NRCAM: variants seen among roughly 807,000 people sequenced by gnomAD.
NRCAM encodes the protein neuronal cell adhesion molecule.
A neutral mutation model predicts 156.5 loss-of-function variants in NRCAM; 83 were observed. The observed-to-expected ratio is 0.53, with a 90% CI of 0.44 to 0.64. NRCAM has a LOEUF of 0.64. Ranked by LOEUF, NRCAM falls within the 30% of genes least tolerant of loss-of-function variation. The pLI is 0.00. For synonymous variants in NRCAM, 538 were observed against 563.9 expected (o/e 0.95, Z 0.65); for missense variants, 1,417 against 1,597.3 (o/e 0.89, Z 1.92).
intron 11 of NRCAM, among the ~76,000 whole-genome samples, chr7:108,220,448 T>C (rs926286432): frequency 6.6e-6 from 1 of 152,104 alleles, no homozygotes; most frequent in Admixed American, 6.5e-5. Flanking sequence ...TTTCAAACTA[T>C]ACTATAAGGC....
chr7:108,177,003 G>A (rs2060752976), intron 26 of NRCAM, among the ~76,000 whole-genome samples: 1 of 152,044 alleles, frequency 6.6e-6, no homozygotes, highest in African/African-American at 2.4e-5. Flanking sequence ...ATGCATATGT[G>A]ATTTAATGAC....
intron 2 of NRCAM, among the ~76,000 whole-genome samples, chr7:108,386,397 TATCTC>T (rs1563558381): frequency 6.6e-6 from 1 of 152,172 alleles, no homozygotes; most frequent in Non-Finnish European, 1.5e-5. Flanking sequence ...TCTTTAATCT[TATCTC>T]TAAGCAATTA....
chr7:108,388,596 G>A (rs11983900), intron 2 of NRCAM, among the ~76,000 whole-genome samples: 38,389 of 152,040 alleles, frequency 0.25, 5,119 homozygotes, highest in Non-Finnish European at 0.28. Flanking sequence ...GGCTTTTGTC[G>A]CCATTGCTTT....
intron 3 of NRCAM, among the ~76,000 whole-genome samples, chr7:108,307,329 T>C (rs2098731881): frequency 6.6e-6 from 1 of 152,228 alleles, no homozygotes; most frequent in Admixed American, 6.5e-5. Context: ...ACGGCTGGCA[T>C]GCCCATTGTT....
chr7:108,166,015 T>A lies in NRCAM; in HGVS notation c.3466+906A>T, dbSNP rs183971778. Among the ~76,000 whole-genome samples the A allele has an allele frequency of 2.0e-5, 3 of 152,356 alleles. No individual in the cohort carries two copies. In the East Asian group the frequency reaches 5.8e-4, roughly 29 times the overall value. ...AATGCTCTCATGTTTCACATGAACA[T>A]TTTTCTTTATTTTAGAAACTTCACT... is the stretch of plus-strand genomic sequence containing the variant. On this transcript the variant is annotated intron_variant, in intron 30 of 32. Coordinates refer to ENST00000379028, the MANE Select transcript of NRCAM (RefSeq NM_001037132.4).
chr7:108,357,058 G>C (rs2099508763), intron 2 of NRCAM, among the ~76,000 whole-genome samples: 2 of 152,190 alleles, frequency 1.3e-5, no homozygotes, highest in African/African-American at 4.8e-5. Context: ...ACCAGACACA[G>C]AATCTGACAG....
chr7:108,443,891 G>GATAGATAGATAC (rs1432233563), intron 1 of NRCAM, among the ~76,000 whole-genome samples: 5 of 145,800 alleles, frequency 3.4e-5, no homozygotes, highest in Non-Finnish European at 6.1e-5. Flanking sequence ...TAGATAGATA[G>GATAGATAGATAC]ATACATACAT....
chr7:108,273,589 GGTT>G (rs2097462080), intron 3 of NRCAM, among the ~76,000 whole-genome samples: 1 of 151,970 alleles, frequency 6.6e-6, no homozygotes, highest in Non-Finnish European at 1.5e-5. Flanking sequence ...CTTTTTATGC[GGTT>G]GTTTTTTTCT....
At chr7:108,351,715 T>C (rs900758385) in intron 2 of NRCAM, among the ~76,000 whole-genome samples, 1 of 151,796 alleles carries the variant, frequency 6.6e-6, no homozygotes, top group African/African-American at 2.4e-5. Context: ...TTTATTAAGA[T>C]GAAACAAGAA....
chr7:108,398,303 CCAAT>C (rs2099782664), intron 2 of NRCAM, among the ~76,000 whole-genome samples: 1 of 152,154 alleles, frequency 6.6e-6, no homozygotes, highest in Non-Finnish European at 1.5e-5. Flanking sequence ...CTTCCCATGC[CCAAT>C]CAACCACCAA....
chr7:108,331,223 A>G (rs2154247891), intron 2 of NRCAM, among the ~76,000 whole-genome samples: 1 of 152,122 alleles, frequency 6.6e-6, no homozygotes, highest in East Asian at 1.9e-4. Flanking sequence ...ACATAGTGAG[A>G]CCTCGTCTCT....
intron 8 of NRCAM, among the ~76,000 whole-genome samples, chr7:108,230,580 G>A (rs1472519569): frequency 6.6e-6 from 1 of 152,010 alleles, no homozygotes; most frequent in Non-Finnish European, 1.5e-5. Context: ...TCATTAGTCT[G>A]GCCACCTTGT....
At chr7:108,386,216 T>A (rs2099740495) in intron 2 of NRCAM, among the ~76,000 whole-genome samples, 1 of 152,184 alleles carries the variant, frequency 6.6e-6, no homozygotes, top group Non-Finnish European at 1.5e-5. Context: ...GTGCTCTTCA[T>A]CTATATCATT....
At chr7:108,454,118 T>C (rs554040214) in intron 1 of NRCAM, among the ~76,000 whole-genome samples, 11 of 152,292 alleles carry the variant, frequency 7.2e-5, no homozygotes, top group African/African-American at 2.4e-4. Flanking sequence ...GGATTGTGGG[T>C]TAACAGCCAC....
At chr7:108,382,222 AT>A (rs71137626) in intron 2 of NRCAM, among the ~76,000 whole-genome samples, 423 of 145,654 alleles carry the variant, frequency 2.9e-3, no homozygotes, top group Middle Eastern at 3.5e-3. Context: ...AGGAACAGAG[AT>A]TTTTTTTTTT....
At position 108,234,696 on chromosome 7, in the gene NRCAM, G is replaced by A. The variant is rs765030618; in HGVS notation, c.125-8C>T. On this transcript the variant is annotated splice_region_variant and splice_polypyrimidine_tract_variant and intron_variant, in intron 5 of 32. Coordinates refer to ENST00000379028, the MANE Select transcript of NRCAM (RefSeq NM_001037132.4). ...TGGTTGGAGGCTGTACCACTTAATT[G>A]TAGAAAAAAAAAAATGTAAAAAAAC... 1.6e-5 allele frequency: 25 copies of A among 1,529,868 alleles called. No individual in the cohort carries two copies. The highest frequency in any genetic ancestry group is 4.2e-5 in the African/African-American group (3 of 70,748). 94.8% of individuals were successfully genotyped at this position (1,529,868 alleles called of 1,614,324 possible).
chr7:108,230,554 C>T (rs1429508424), intron 8 of NRCAM, among the ~76,000 whole-genome samples: 7 of 152,104 alleles, frequency 4.6e-5, no homozygotes, highest in African/African-American at 7.2e-5. Flanking sequence ...CCCTCCCGCT[C>T]GGCTCCTTCA....
intron 3 of NRCAM, among the ~76,000 whole-genome samples, chr7:108,276,677 G>C (rs1266216784): frequency 6.6e-6 from 1 of 152,022 alleles, no homozygotes; most frequent in Non-Finnish European, 1.5e-5. Flanking sequence ...GATGGGTCTT[G>C]ACTCTTTATC....
intron 1 of NRCAM, among the ~76,000 whole-genome samples, chr7:108,428,658 G>A (rs2154452140): frequency 6.6e-6 from 1 of 152,270 alleles, no homozygotes; most frequent in East Asian, 1.9e-4. Flanking sequence ...AAAAATAAAA[G>A]CTTTTACAGA....
Sources: gnomAD v4.1 joint callset for allele counts (sites outside exome capture counted in the v4.1 genomes callset) on GRCh38, gnomAD v4.1.1 for gene constraint, MANE v1.5 for transcripts, NCBI Gene and HGNC (gene_info 2026-07-23, HGNC 2026-07-21) for gene names.